The following TUT7 variants were observed in gnomAD, a reference collection of about 807,000 sequenced individuals.
TUT7 encodes the protein terminal uridylyltransferase 7.
In TUT7, 33 loss-of-function variants were observed where a neutral mutation model predicts 165.9. That is an observed-to-expected ratio of 0.20 (90% confidence interval 0.15 to 0.27). TUT7 has a LOEUF of 0.27. Among genes scored for constraint, TUT7 ranks in the 10% least tolerant of loss-of-function variants. The pLI, the probability that TUT7 is intolerant of heterozygous loss-of-function variation, is 1.00. For synonymous variants in TUT7, 552 were observed against 608.1 expected (o/e 0.91, Z 1.36); for missense variants, 1,338 against 1,762.3 (o/e 0.76, Z 4.31).
At chr9:86,297,935 T>TTTTTTTC (rs1554691440) in intron 26 of TUT7, among the ~76,000 whole-genome samples, 2 of 145,174 alleles carry the variant, frequency 1.4e-5, no homozygotes, top group African/African-American at 2.6e-5. Flanking sequence ...TTTTTTTTTT[T>TTTTTTTC]CAAATTTCTT....
chr9:86,342,628 A>T (rs1468620204), intron 6 of TUT7, among the ~76,000 whole-genome samples: 1 of 152,230 alleles, frequency 6.6e-6, no homozygotes, highest in African/African-American at 2.4e-5. Context: ...TGTTTAAACC[A>T]GAAATCCAGG....
chr9:86,339,095 T>C (rs988967879), intron 8 of TUT7, 146 bp from the exon 9 acceptor site: 5 of 633,942 alleles, frequency 7.9e-6, no homozygotes, highest in African/African-American at 7.6e-5. Flanking sequence ...AAAAACTACA[T>C]CTTTATGAGT....
In TUT7 at chr9:86,346,579, A is replaced by G. The variant is rs1010984266; in HGVS notation, c.521-99T>C. 5.9e-5 allele frequency: 72 copies of G among 1,211,218 alleles called. No individual in the cohort carries two copies. The African/African-American group carries it at 1.0e-3, about 17-fold the overall frequency. 75.0% of individuals were successfully genotyped at this position (1,211,218 alleles called of 1,614,324 possible). A position where few individuals can be genotyped will look rare whatever the true frequency, so the allele number is the denominator to read the frequency against. On this transcript the variant is annotated intron_variant, in intron 2 of 26. Transcript: ENST00000375963. ...TGTATTAAATCATGTGAGAGAATAA[A>G]TCACATCTGCATGCAGAGCAGAAGG...
At chr9:86,336,817 CT>C (rs1468873320) in intron 10 of TUT7, 1 of 152,228 alleles carries the variant, frequency 6.6e-6, no homozygotes, top group Non-Finnish European at 1.5e-5. Context: ...TTAAATCTTA[CT>C]TGAACAAATC....
At position 86,341,199 on chromosome 9, in the gene TUT7, T is replaced by C. The variant is rs1831291268; in HGVS notation, c.1087-146A>G. On this transcript the variant is annotated intron_variant, in intron 6 of 26. Coordinates refer to ENST00000375963, the MANE Select transcript of TUT7 (RefSeq NM_024617.4). ...GTAAAGAAATTACTCACTATGTTGT[T>C]TGCATATGTCAGTCAAAGACAGACA... is the stretch of plus-strand genomic sequence containing the variant. 4.3e-6 allele frequency: 3 copies of C among 695,034 alleles called. No homozygotes were observed. The African/African-American group carries it at 5.4e-5, about 13-fold the overall frequency. The allele number at this position is 695,034 out of a possible 1,614,324, so 43.1% of individuals were successfully genotyped here. A position where few individuals can be genotyped will look rare whatever the true frequency, so the allele number is the denominator to read the frequency against.
intron 26 of TUT7, chr9:86,298,753 T>TA (rs1826594642): frequency 2.0e-6 from 2 of 982,546 alleles, no homozygotes; most frequent in African/African-American, 3.5e-5. Context: ...TTGTTTTTTT[T>TA]AAAACCCACA....
chr9:86,320,801 G>T (rs1358745615), intron 14 of TUT7, among the ~76,000 whole-genome samples: 2 of 151,896 alleles, frequency 1.3e-5, no homozygotes, highest in African/African-American at 4.8e-5. Context: ...AACGATTTTG[G>T]GAAAATTATG....
rs530177414 is a variant in TUT7 at position 86,303,211 on chromosome 9, C to G, written c.3979-10G>C. ...GATCAAAAAAGTATTCCTAGAAGAA[C>G]ATAAATATATAAAAGCCTGAACTAT... On this transcript the variant is annotated splice_polypyrimidine_tract_variant and intron_variant, in intron 24 of 26. Coordinates refer to ENST00000375963, the MANE Select transcript of TUT7 (RefSeq NM_024617.4). 7.4e-6 allele frequency: 11 copies of G among 1,478,340 alleles called. No individual in the cohort carries two copies. The highest frequency in any genetic ancestry group is 5.6e-5 in the Admixed American group (3 of 53,888). 91.6% of individuals were successfully genotyped at this position (1,478,340 alleles called of 1,614,324 possible). A position where few individuals can be genotyped will look rare whatever the true frequency, so the allele number is the denominator to read the frequency against.
chr9:86,340,012 A>G, intron 8 of TUT7, 24 bp downstream of exon 8: 1 of 1,600,120 alleles, frequency 6.2e-7, no homozygotes, highest in Non-Finnish European at 8.6e-7. Flanking sequence ...GAGTTAGTAA[A>G]TAAACAGTTT....
intron 26 of TUT7, among the ~76,000 whole-genome samples, chr9:86,291,235 GA>G (rs1398113022): frequency 6.6e-6 from 1 of 152,044 alleles, no homozygotes; most frequent in African/African-American, 2.4e-5. Flanking sequence ...AATTCAATGG[GA>G]AAATGGGCAA....
intron 26 of TUT7, 149 bp from the exon 27 acceptor site, chr9:86,288,893 T>C (rs913298178): frequency 1.2e-5 from 7 of 595,742 alleles, no homozygotes; most frequent in African/African-American, 3.7e-5. Flanking sequence ...AGACTTGATA[T>C]TGAAAAGTAT....
At chr9:86,292,036 A>C (rs987849370) in intron 26 of TUT7, among the ~76,000 whole-genome samples, 4 of 152,198 alleles carry the variant, frequency 2.6e-5, no homozygotes, top group African/African-American at 9.7e-5. Context: ...ACCATATAAA[A>C]GTTTTAAAAT....
rs761197701 is a variant in TUT7 at position 86,343,133 on chromosome 9, C to T, written c.1028G>A (p.Cys343Tyr). The change falls in exon 6 of 27, where the codon TGT becomes TAT. Residue 343 changes from cysteine (C) to tyrosine (Y), a missense_variant. Physicochemically the swap from Cys to Tyr is radical, Grantham distance 194. This residue lies in a region of TUT7 where 434 missense variants were observed against 480.8 expected (regional missense o/e 0.90). Coordinates refer to ENST00000375963, the MANE Select transcript of TUT7 (RefSeq NM_024617.4). ...CGAATTTTTGAAACCCAATCTGCTACAGGATGACCCATATAATCTTAGGGA... is the reference window on the plus strand; with the variant it reads ...CGAATTTTTGAAACCCAATCTGCTATAGGATGACCCATATAATCTTAGGGA... ...DCSLRLYGSS[C>Y]SRLGFKNSDV... The T allele has an allele frequency of 5.1e-5, 82 of 1,598,036 alleles. No individual in the cohort carries two copies. Among genetic ancestry groups the T allele is most frequent in the Non-Finnish European group, 6.5e-5 (76 of 1,172,322 alleles).
intron 2 of TUT7, among the ~76,000 whole-genome samples, chr9:86,349,352 T>C (rs578196964): frequency 8.5e-5 from 13 of 152,280 alleles, no homozygotes; most frequent in South Asian, 4.1e-4. Context: ...CTCAGATTTA[T>C]TGTAATAAGA....
intron 6 of TUT7, among the ~76,000 whole-genome samples, chr9:86,342,219 G>C (rs1371275456): frequency 1.3e-5 from 2 of 152,018 alleles, no homozygotes; most frequent in African/African-American, 2.4e-5. Flanking sequence ...ATGAACTCCT[G>C]GGCTCAAGTA....
intron 11 of TUT7, 121 bp from the exon 12 acceptor site, chr9:86,325,635 G>A (rs1829720259): frequency 1.1e-5 from 9 of 843,684 alleles, no homozygotes; most frequent in Non-Finnish European, 1.6e-5. Context: ...ATATAAGCCT[G>A]ACAATCCATC....
intron 10 of TUT7, among the ~76,000 whole-genome samples, chr9:86,330,265 T>C (rs909006143): frequency 6.6e-6 from 1 of 152,104 alleles, no homozygotes; most frequent in Non-Finnish European, 1.5e-5. Flanking sequence ...TTTCACCACG[T>C]TGGCCAGGCT....
intron 2 of TUT7, among the ~76,000 whole-genome samples, chr9:86,350,686 A>G (rs1832201834): frequency 6.6e-6 from 1 of 152,376 alleles, no homozygotes; most frequent in Admixed American, 6.5e-5. Context: ...CATTTTTGAT[A>G]TATTACAACA....
In TUT7 at chr9:86,352,782, A is replaced by G; in HGVS notation, c.418T>C (p.Tyr140His). The G allele has an allele frequency of 6.2e-7, 1 of 1,614,124 alleles. No homozygotes were observed. The highest frequency in any genetic ancestry group is 8.5e-7 in the Non-Finnish European group (1 of 1,180,022). Reference sequence around the variant, plus strand: ...CAGCCTCTTGTGTCTTGCCACCTATAACCATCTTCATTTTCTTGAAAGGAG... The same window carrying G: ...CAGCCTCTTGTGTCTTGCCACCTATGACCATCTTCATTTTCTTGAAAGGAG... Reference protein sequence around the residue: ...KDSFQENEDGYRWQDTRGCRT... With the variant: ...KDSFQENEDGHRWQDTRGCRT... Residue 140 changes from tyrosine (Y) to histidine (H), a missense_variant, in exon 2 of 27, where the codon TAT (tyrosine) becomes CAT (histidine). Physicochemically the swap from Tyr to His is moderately conservative, Grantham distance 83 (BLOSUM62 2). Coordinates refer to ENST00000375963, the MANE Select transcript of TUT7 (RefSeq NM_024617.4).
Sources: allele counts gnomAD v4.1 joint callset (sites outside exome capture counted in the v4.1 genomes callset), GRCh38; gene constraint gnomAD v4.1.1; regional missense constraint gnomAD v4.1.1; transcripts MANE v1.5; gene names NCBI Gene and HGNC (gene_info 2026-07-23, HGNC 2026-07-21).